NAA25: variants seen among roughly 807,000 people sequenced by gnomAD.
NAA25 encodes N-alpha-acetyltransferase 25, NatB auxiliary subunit.
Under a neutral mutation model 132.5 loss-of-function variants are expected in NAA25, and 30 were observed. That is an observed-to-expected ratio of 0.23 (90% CI 0.17 to 0.31). The LOEUF is 0.31. Among genes scored for constraint, NAA25 ranks in the 10% least tolerant of loss-of-function variants. The pLI is 1.00. For synonymous variants in NAA25, 359 were observed against 401.9 expected (o/e 0.89, Z 1.28); for missense variants, 771 against 1,150.4 (o/e 0.67, Z 4.77).
At chr12:112,088,942 A>T (rs1017419437) in intron 3 of NAA25, among the ~76,000 whole-genome samples, 2 of 151,850 alleles carry the variant, frequency 1.3e-5, no homozygotes, top group Non-Finnish European at 2.9e-5. Flanking sequence ...TTTATCTTTG[A>T]CTCTGATAGA....
At chr12:112,059,810 GT>G (rs35524293) in intron 13 of NAA25, among the ~76,000 whole-genome samples, 225 of 140,828 alleles carry the variant, frequency 1.6e-3, no homozygotes, top group Non-Finnish European at 2.3e-3. Flanking sequence ...CTGGAGACAG[GT>G]TTTTTTTTTT....
At position 112,087,683 on chromosome 12, in the gene NAA25, C is replaced by T; in HGVS notation, c.402G>A (p.Gln134=). 1.2e-6 allele frequency: 2 copies of T among 1,606,138 alleles called. No individual in the cohort carries two copies. The highest frequency in any genetic ancestry group is 1.7e-6 in the Non-Finnish European group (2 of 1,173,368). The part of the protein sequence containing the change: ...ARVGEYKKMQ[Q]AGMALYKIVP... Reference sequence around the variant, plus strand: ...CCAGTAGGTTTGGGGATCAAATTACCTGTTGCATTTTCTTGTATTCACCCA... The same window carrying T: ...CCAGTAGGTTTGGGGATCAAATTACTTGTTGCATTTTCTTGTATTCACCCA... The change falls in exon 4 of 24, where the codon CAG becomes CAA. Residue 134 remains glutamine, a splice_region_variant and synonymous_variant. Transcript: ENST00000261745.
At chr12:112,105,211 C>T (rs2079344788) in intron 1 of NAA25, among the ~76,000 whole-genome samples, 1 of 151,512 alleles carries the variant, frequency 6.6e-6, no homozygotes, top group Non-Finnish European at 1.5e-5. Context: ...TCCCAGTACT[C>T]AGGAGGCTGA....
rs544382802 is a variant in NAA25 at position 112,087,316 on chromosome 12, T to G, written c.402+367A>C. On this transcript the variant is annotated intron_variant, in intron 4 of 23. Transcript: ENST00000261745. ...CAACAGTTTAAATTTACAAATTAGATGTAAACTTTAAAGTTACTCTTTCCA... is the reference window on the plus strand; with the variant it reads ...CAACAGTTTAAATTTACAAATTAGAGGTAAACTTTAAAGTTACTCTTTCCA... 3.9e-5 allele frequency among the ~76,000 whole-genome samples: 6 copies of G among 152,346 alleles called. No individual in the cohort carries two copies. The East Asian group carries it at 7.7e-4, about 20-fold the overall frequency.
chr12:112,087,895 A>G (rs1172895062), intron 3 of NAA25, 94 bp from the exon 4 acceptor site: 3 of 767,420 alleles, frequency 3.9e-6, no homozygotes, highest in East Asian at 2.5e-5. Flanking sequence ...GATGTCTCCT[A>G]TCATTATAGA....
intron 1 of NAA25, among the ~76,000 whole-genome samples, chr12:112,104,760 C>A (rs994641182): frequency 1.3e-5 from 2 of 151,342 alleles, no homozygotes; most frequent in Non-Finnish European, 2.9e-5. Flanking sequence ...GGCGTGAACC[C>A]GGAAGGTGGA....
Position 112,087,672 on chromosome 12 carries a change from G to T in NAA25, c.402+11C>A. ...AATCCCATAGCCCAGTAGGTTTGGGGATCAAATTACCTGTTGCATTTTCTT... is the reference window on the plus strand; with the variant it reads ...AATCCCATAGCCCAGTAGGTTTGGGTATCAAATTACCTGTTGCATTTTCTT... On this transcript the variant is annotated intron_variant, in intron 4 of 23. Coordinates refer to ENST00000261745, the MANE Select transcript of NAA25 (RefSeq NM_024953.4). 1.9e-6 allele frequency: 3 copies of T among 1,591,028 alleles called. No homozygotes were observed. Among genetic ancestry groups the T allele is most frequent in the South Asian group, 1.1e-5 (1 of 90,146 alleles).
At chr12:112,071,787 C>T (rs1164748634) in intron 10 of NAA25, 108 bp downstream of exon 10, 12 of 773,940 alleles carry the variant, frequency 1.6e-5, no homozygotes, top group Non-Finnish European at 2.4e-5. Flanking sequence ...GCTATGAAGA[C>T]ATCTGCTTCC....
At chr12:112,051,969 AG>A in intron 15 of NAA25, among the ~76,000 whole-genome samples, 1 of 152,326 alleles carries the variant, frequency 6.6e-6, no homozygotes, top group African/African-American at 2.4e-5. Flanking sequence ...TGAAAGCTAG[AG>A]GAAAACCAGC....
intron 1 of NAA25, among the ~76,000 whole-genome samples, chr12:112,102,015 C>T (rs1002023166): frequency 1.3e-5 from 2 of 151,470 alleles, no homozygotes; most frequent in Non-Finnish European, 2.9e-5. Context: ...TACAGGCGTG[C>T]ATCACCATGC....
chr12:112,036,281 T>C (rs922746955), intron 22 of NAA25, among the ~76,000 whole-genome samples: 9 of 152,234 alleles, frequency 5.9e-5, no homozygotes, highest in Non-Finnish European at 1.3e-4. Flanking sequence ...TAACTGTCTA[T>C]ACTCACTGGA....
chr12:112,048,265 C>A lies in NAA25; in HGVS notation c.1880+27G>T, dbSNP rs201560979. On this transcript the variant is annotated intron_variant, in intron 16 of 23. Coordinates refer to ENST00000261745, the MANE Select transcript of NAA25 (RefSeq NM_024953.4). The stretch of plus-strand genomic sequence containing the variant: ...TAACAACTGATCTAATCCCTTAGTT[C>A]CTTTATAGCTCTCATGCAATACTTA... The A allele has an allele frequency of 6.7e-4, 1,067 of 1,600,402 alleles. 19 individuals are homozygous for A. In the South Asian group the frequency reaches 0.011, roughly 17 times the overall value.
chr12:112,044,032 A>G (rs1326596916), intron 17 of NAA25, among the ~76,000 whole-genome samples, 164 bp from the exon 18 acceptor site: 1 of 148,770 alleles, frequency 6.7e-6, no homozygotes, highest in Non-Finnish European at 1.5e-5. Flanking sequence ...GGTTCATGCC[A>G]TTCTCCTGCC....
intron 11 of NAA25, among the ~76,000 whole-genome samples, chr12:112,067,267 A>C (rs1439834015): frequency 2.0e-5 from 3 of 152,188 alleles, no homozygotes; most frequent in East Asian, 3.9e-4. Context: ...TAAAATGTAA[A>C]CTTTGTGCTG....
At chr12:112,046,168 C>T (rs778395856) in intron 17 of NAA25, among the ~76,000 whole-genome samples, 1 of 152,202 alleles carries the variant, frequency 6.6e-6, no homozygotes, top group African/African-American at 2.4e-5. Context: ...TACCTGCTTT[C>T]TTTCCACTCA....
In NAA25 at chr12:112,029,579, C is replaced by T. The variant is rs1376134080; in HGVS notation, c.2871G>A (p.Gly957=). Reference sequence around the variant, plus strand: ...TCTCAAGTCTTTTTTTCAGCAGCTCCCCCATTTCCAGAAGTGAGTGCAGAT... The same window carrying T: ...TCTCAAGTCTTTTTTTCAGCAGCTCTCCCATTTCCAGAAGTGAGTGCAGAT... The part of the protein sequence containing the change: ...SSYLHSLLEM[G]ELLKKRLETT... Residue 957 remains glycine (G), a synonymous_variant, in exon 24 of 24, where the codon GGG becomes GGA. Coordinates refer to ENST00000261745, the MANE Select transcript of NAA25 (RefSeq NM_024953.4). 6.2e-7 allele frequency: 1 copy of T among 1,613,904 alleles called. No homozygotes were observed. Among genetic ancestry groups the T allele is most frequent in the Non-Finnish European group, 8.5e-7 (1 of 1,179,946 alleles).
intron 4 of NAA25, among the ~76,000 whole-genome samples, chr12:112,086,051 AATATATATATATAT>A: frequency 2.7e-5 from 1 of 37,380 alleles, no homozygotes; most frequent in Non-Finnish European, 3.9e-5. Flanking sequence ...AAAAAAAAAA[AATATATATATATAT>A]ATATATATAC....
chr12:112,077,324 T>C (rs2136900118), intron 7 of NAA25, among the ~76,000 whole-genome samples: 1 of 151,694 alleles, frequency 6.6e-6, no homozygotes, highest in East Asian at 1.9e-4. Context: ...AATACAAAAA[T>C]TAGCTGGGCG....
intron 19 of NAA25, among the ~76,000 whole-genome samples, 155 bp downstream of exon 19, chr12:112,042,933 G>T (rs962644940): frequency 6.6e-6 from 1 of 152,176 alleles, no homozygotes; most frequent in Non-Finnish European, 1.5e-5. Context: ...TGTAACCTAC[G>T]ACTGTACCCT....
Sources: gnomAD v4.1 joint callset for allele counts (sites outside exome capture counted in the v4.1 genomes callset) on GRCh38, gnomAD v4.1.1 for gene constraint, MANE v1.5 for transcripts, NCBI Gene and HGNC (gene_info 2026-07-23, HGNC 2026-07-21) for gene names.